The following EYS variants were observed in gnomAD, a reference collection of about 807,000 sequenced individuals.
The protein encoded by EYS is EGF-like photoreceptor maintenance factor, also known as protein eyes shut homolog.
In EYS, 250 loss-of-function variants were observed where a neutral mutation model predicts 282.1. That is an observed-to-expected ratio of 0.89 (90% confidence interval 0.80 to 0.98). The LOEUF (loss-of-function observed/expected upper bound fraction) is 0.98. EYS is among the 50% of genes least tolerant of loss of function. The pLI, the probability that EYS is intolerant of heterozygous loss-of-function variation, is 0.00. For missense variants in EYS, 4,016 were observed against 3,709.0 expected, an observed-to-expected ratio of 1.08 and a Z score of -2.15; for synonymous variants, 1,355 against 1,282.9, an observed-to-expected ratio of 1.06 and a Z score of -1.20.
chr6:65,347,373 T>C (rs1770438719), intron 9 of EYS, among the ~76,000 whole-genome samples: 1 of 151,812 alleles, frequency 6.6e-6, no homozygotes, highest in African/African-American at 2.4e-5. Flanking sequence ...AATTTCTAAG[T>C]TATTGATATA....
At chr6:64,867,747 A>T (rs1257939276) in intron 19 of EYS, among the ~76,000 whole-genome samples, 1 of 151,700 alleles carries the variant, frequency 6.6e-6, no homozygotes, top group Admixed American at 6.6e-5. Context: ...CTTTGCTTGA[A>T]CTTCCAGAAA....
chr6:64,188,155 C>T (rs1765000768), intron 31 of EYS, among the ~76,000 whole-genome samples: 1 of 152,028 alleles, frequency 6.6e-6, no homozygotes, highest in African/African-American at 2.4e-5. Flanking sequence ...TTCACTTAAA[C>T]ATTTCACCAT....
intron 22 of EYS, among the ~76,000 whole-genome samples, chr6:64,761,084 C>T (rs1055348801): frequency 3.3e-5 from 5 of 152,180 alleles, no homozygotes; most frequent in African/African-American, 1.2e-4. Context: ...TTTCGTAACT[C>T]TACTTGAATT....
At chr6:63,988,269 A>T (rs1011222017) in intron 34 of EYS, among the ~76,000 whole-genome samples, 2 of 151,694 alleles carry the variant, frequency 1.3e-5, no homozygotes, top group Non-Finnish European at 3.0e-5. Flanking sequence ...TATATTGATC[A>T]CACACCTGGA....
chr6:65,064,248 T>G (rs1019423467), intron 12 of EYS, among the ~76,000 whole-genome samples: 146 of 130,202 alleles, frequency 1.1e-3, no homozygotes, highest in African/African-American at 5.1e-3. Context: ...ATGATATATA[T>G]GATATATATA....
At chr6:64,989,306 T>A (rs146584388) in intron 14 of EYS, among the ~76,000 whole-genome samples, 5 of 147,930 alleles carry the variant, frequency 3.4e-5, no homozygotes, top group Admixed American at 2.7e-4. Context: ...CCTACTGTAG[T>A]CAAGATGATG....
At chr6:64,345,477 CTGGGAAAACTGGCTAGCCATATGT>C (rs1771347502) in intron 29 of EYS, among the ~76,000 whole-genome samples, 2 of 151,996 alleles carry the variant, frequency 1.3e-5, no homozygotes, top group African/African-American at 2.4e-5. Context: ...ATAAATGGTG[CTGGGAAAACTGGCTAGCCATATGT>C]AGAAAGCTGA....
At chr6:64,503,279 G>C (rs150037402) in intron 26 of EYS, among the ~76,000 whole-genome samples, 2 of 152,014 alleles carry the variant, frequency 1.3e-5, no homozygotes, top group Non-Finnish European at 2.9e-5. Context: ...AGAGTCCTTG[G>C]GATGTATTTT....
intron 22 of EYS, among the ~76,000 whole-genome samples, chr6:64,640,386 C>G (rs975918444): frequency 6.6e-6 from 1 of 152,180 alleles, no homozygotes; most frequent in African/African-American, 2.4e-5. Context: ...ATACTATATA[C>G]AGCCATAAAA....
intron 19 of EYS, among the ~76,000 whole-genome samples, chr6:64,851,583 G>A (rs946212020): frequency 5.9e-5 from 9 of 152,024 alleles, no homozygotes; most frequent in Non-Finnish European, 1.0e-4. Flanking sequence ...ATAATAAACT[G>A]GATAAAGGAT....
intron 33 of EYS, among the ~76,000 whole-genome samples, chr6:64,013,890 GT>G (rs1562150810): frequency 6.6e-6 from 1 of 151,926 alleles, no homozygotes; most frequent in African/African-American, 2.4e-5. Context: ...CACTCTGATG[GT>G]GAATGTAAGT....
chr6:63,921,653 C>T (rs919570859), intron 35 of EYS, among the ~76,000 whole-genome samples: 2 of 152,118 alleles, frequency 1.3e-5, no homozygotes, highest in Non-Finnish European at 2.9e-5. Context: ...AATAGTAACA[C>T]CTACCAAGTA....
At chr6:64,751,560 G>A (rs1274905810) in intron 22 of EYS, among the ~76,000 whole-genome samples, 2 of 152,210 alleles carry the variant, frequency 1.3e-5, no homozygotes, top group Non-Finnish European at 1.5e-5. Flanking sequence ...TGAGCACAGA[G>A]ACAAGGCCAC....
chr6:63,933,405 C>T (rs1764957283), intron 35 of EYS, among the ~76,000 whole-genome samples: 1 of 152,068 alleles, frequency 6.6e-6, no homozygotes, highest in Admixed American at 6.6e-5. Context: ...TGGGGTTTCA[C>T]CATGTTGGCC....
In EYS at chr6:63,946,380, T is replaced by A. The variant is rs150837438; in HGVS notation, c.7055+38003A>T. Reference sequence around the variant, plus strand: ...AATATTGAAGAAAAATAGTTCTTTATAGAGTTTTATTTCTGTTAAGTATTA... The same window carrying A: ...AATATTGAAGAAAAATAGTTCTTTAAAGAGTTTTATTTCTGTTAAGTATTA... On this transcript the variant is annotated intron_variant, in intron 35 of 42. Coordinates refer to ENST00000503581, the MANE Select transcript of EYS (RefSeq NM_001142800.2). Among the ~76,000 whole-genome samples, 743 of 152,340 alleles carry A rather than the reference T, an allele frequency of 4.9e-3. 9 individuals are homozygous for A. Among genetic ancestry groups the A allele is most frequent in the African/African-American group, 0.017 (707 of 41,580 alleles).
chr6:65,193,643 A>G (rs142421365), intron 12 of EYS, among the ~76,000 whole-genome samples: 6 of 151,816 alleles, frequency 4.0e-5, no homozygotes, highest in Non-Finnish European at 7.4e-5. Context: ...GAGTGCCTAC[A>G]TCAGGCACTG....
intron 22 of EYS, 79 bp downstream of exon 22, chr6:64,813,299 G>T: frequency 9.9e-7 from 1 of 1,009,190 alleles, no homozygotes; most frequent in Non-Finnish European, 1.4e-6. Flanking sequence ...TATTTACATT[G>T]CAGAGTGCAT....
At chr6:64,520,899 C>A (rs1777714857) in intron 26 of EYS, among the ~76,000 whole-genome samples, 1 of 151,612 alleles carries the variant, frequency 6.6e-6, no homozygotes, top group Non-Finnish European at 1.5e-5. Context: ...AGAGTCCAAT[C>A]CCAGAAATTA....
At chr6:64,171,427 G>A (rs1375358659) in intron 31 of EYS, among the ~76,000 whole-genome samples, 3 of 152,080 alleles carry the variant, frequency 2.0e-5, no homozygotes, top group Non-Finnish European at 4.4e-5. Context: ...AAAAATGAAT[G>A]AGTTGGTTGA....
Sources: allele counts gnomAD v4.1 joint callset (sites outside exome capture counted in the v4.1 genomes callset), GRCh38; gene constraint gnomAD v4.1.1; transcripts MANE v1.5; gene names NCBI Gene and HGNC (gene_info 2026-07-23, HGNC 2026-07-21).